MAPK10: variants seen among roughly 807,000 people sequenced by gnomAD.
MAPK10 encodes mitogen-activated protein kinase 10.
MAPK10 carries 25 observed loss-of-function variants against 59.3 expected under a neutral mutation model. That is an observed-to-expected ratio of 0.42 (90% CI 0.31 to 0.59). The LOEUF (loss-of-function observed/expected upper bound fraction) is 0.59, where lower values mean the gene tolerates loss of function less well. Among genes scored for constraint, MAPK10 ranks in the 20% least tolerant of loss-of-function variants. The pLI is 0.15. For synonymous variants in MAPK10, 190 were observed against 200.5 expected (o/e 0.95, Z 0.44); for missense variants, 351 against 568.9 (o/e 0.62, Z 3.90).
intron 2 of MAPK10, among the ~76,000 whole-genome samples, chr4:86,201,506 G>C (rs2082615335): frequency 6.6e-6 from 1 of 151,738 alleles, no homozygotes; most frequent in Admixed American, 6.6e-5. Context: ...CAAGTCTTTT[G>C]CTCAATGGAT....
chr4:86,105,519 A>G (rs900527182), intron 5 of MAPK10, among the ~76,000 whole-genome samples: 28 of 152,126 alleles, frequency 1.8e-4, no homozygotes, highest in Non-Finnish European at 7.4e-5. Flanking sequence ...CTATTGCATT[A>G]CAGGGTCTGG....
chr4:86,354,660 A>G lies in MAPK10; in HGVS notation c.-121-16T>C. On this transcript the variant is annotated splice_polypyrimidine_tract_variant and intron_variant, in intron 1 of 13. Coordinates refer to ENST00000641462, the MANE Select transcript of MAPK10 (RefSeq NM_138982.4). ...TCACACTAGCCTGAAAGCAAAGCCAAAAAACAGATGAGTTTGATTTTAAGA... is the reference window on the plus strand; with the variant it reads ...TCACACTAGCCTGAAAGCAAAGCCAGAAAACAGATGAGTTTGATTTTAAGA... 1.0e-6 allele frequency: 1 copy of G among 991,288 alleles called. No homozygotes were observed. The highest frequency in any genetic ancestry group is 3.6e-4 in the Middle Eastern group (1 of 2,744). The allele number at this position is 991,288 out of a possible 1,614,324, so 61.4% of individuals were successfully genotyped here.
chr4:86,370,136 G>A (rs537854393), intron 1 of MAPK10, among the ~76,000 whole-genome samples: 6 of 152,244 alleles, frequency 3.9e-5, no homozygotes, highest in Non-Finnish European at 8.8e-5. Context: ...TCTGTTGTTT[G>A]ATAATGTTCT....
At chr4:86,151,308 G>C (rs139601046) in intron 4 of MAPK10, among the ~76,000 whole-genome samples, 7 of 152,260 alleles carry the variant, frequency 4.6e-5, no homozygotes, top group African/African-American at 1.7e-4. Context: ...AGTGGAATTG[G>C]GAGCTTTCAT....
intron 2 of MAPK10, among the ~76,000 whole-genome samples, chr4:86,287,677 C>T (rs2095067964): frequency 6.6e-6 from 1 of 152,200 alleles, no homozygotes; most frequent in South Asian, 2.1e-4. Context: ...AGATTACACA[C>T]TACTACATAA....
chr4:86,372,564 G>GAAAGAAAGAAAGAAAGGA lies in MAPK10; in HGVS notation c.-121-17921_-121-17920insTCCTTTCTTTCTTTCTTT. Among the ~76,000 whole-genome samples, 651 of 78,658 alleles carry GAAAGAAAGAAAGAAAGGA rather than the reference G, an allele frequency of 8.3e-3. 13 individuals carry two copies. The highest frequency in any genetic ancestry group is 0.029 in the Admixed American group (212 of 7,288). The allele number at this position is 78,658 out of a possible 152,430, so 51.6% of individuals were successfully genotyped here. A position where few individuals can be genotyped will look rare whatever the true frequency, so the allele number is the denominator to read the frequency against. ...AGAAAGAAAGAAAGAAAGAAAGAAA[G>GAAAGAAAGAAAGAAAGGA]AAAGAAAAGAAAAGAAAAGAAAAGA... On this transcript the variant is annotated intron_variant, in intron 1 of 13. Transcript: ENST00000361569.
chr4:86,543,507 C>T (rs1338407487), intron 1 of MAPK10, among the ~76,000 whole-genome samples: 2 of 152,086 alleles, frequency 1.3e-5, no homozygotes, highest in African/African-American at 4.8e-5. Context: ...AAATGTAAGC[C>T]CTAAACCACT....
At chr4:86,543,121 G>A (rs1476608314) in intron 1 of MAPK10, among the ~76,000 whole-genome samples, 1 of 152,166 alleles carries the variant, frequency 6.6e-6, no homozygotes, top group Non-Finnish European at 1.5e-5. Flanking sequence ...TTAAAGGGAT[G>A]TGGTGCAATA....
intron 3 of MAPK10, 187 bp downstream of exon 3, chr4:86,194,149 C>G: frequency 1.7e-6 from 1 of 579,570 alleles, no homozygotes; most frequent in Middle Eastern, 4.5e-4. Flanking sequence ...TCGTCTTCTG[C>G]GTTGATCTTG....
intron 11 of MAPK10, among the ~76,000 whole-genome samples, chr4:86,049,154 A>G (rs2043058295): frequency 6.6e-6 from 1 of 152,092 alleles, no homozygotes; most frequent in Admixed American, 6.6e-5. Context: ...ATTTATTTCC[A>G]ATTAATTAAC....
chr4:86,316,539 A>G (rs2095792159), intron 2 of MAPK10, among the ~76,000 whole-genome samples: 1 of 152,208 alleles, frequency 6.6e-6, no homozygotes, highest in Non-Finnish European at 1.5e-5. Flanking sequence ...ACATGCACAC[A>G]GAAAAACACT....
rs115235556 is a variant in MAPK10 at position 86,211,653 on chromosome 4, T to C, written c.-6-17246A>G. Among the ~76,000 whole-genome samples, 666 of 152,184 alleles carry C rather than the reference T, an allele frequency of 4.4e-3. 6 individuals carry two copies. The highest frequency in any genetic ancestry group is 0.015 in the African/African-American group (639 of 41,542). ...TAAAAACTCAGTAAAGGAAAATATA[T>C]AGATAATTATAAAAGTTAGTATTAT... On this transcript the variant is annotated intron_variant, in intron 2 of 13. Transcript: ENST00000641462.
intron 1 of MAPK10, among the ~76,000 whole-genome samples, chr4:86,410,894 A>G (rs1267273767): frequency 2.0e-5 from 3 of 152,000 alleles, no homozygotes; most frequent in Non-Finnish European, 1.5e-5. Flanking sequence ...TTGTATCTCC[A>G]TATCCTTCAG....
chr4:86,060,940 C>A (rs923978827), intron 11 of MAPK10, among the ~76,000 whole-genome samples: 33 of 151,928 alleles, frequency 2.2e-4, no homozygotes, highest in African/African-American at 7.7e-4. Context: ...TTTCAAATAT[C>A]AAAAGATAGT....
At chr4:86,541,220 A>G (rs1758670861) in intron 1 of MAPK10, among the ~76,000 whole-genome samples, 1 of 152,194 alleles carries the variant, frequency 6.6e-6, no homozygotes, top group East Asian at 1.9e-4. Context: ...GAGACATAGC[A>G]GAGAATTGGG....
chr4:86,484,584 G>A (rs1050708864), intron 1 of MAPK10, among the ~76,000 whole-genome samples: 1 of 152,096 alleles, frequency 6.6e-6, no homozygotes, highest in Non-Finnish European at 1.5e-5. Flanking sequence ...GATAAATGAG[G>A]TAGTACACAT....
chr4:86,336,295 A>C (rs572374105), intron 2 of MAPK10: 1 of 152,174 alleles, frequency 6.6e-6, no homozygotes, highest in Admixed American at 6.5e-5. Context: ...AACCATTATA[A>C]CTAACTCCAG....
intron 1 of MAPK10, among the ~76,000 whole-genome samples, chr4:86,464,574 C>G (rs1252390648): frequency 1.3e-5 from 2 of 152,158 alleles, no homozygotes; most frequent in African/African-American, 4.8e-5. Flanking sequence ...GTAATCCCAG[C>G]ACTTTCGGAT....
intron 1 of MAPK10, among the ~76,000 whole-genome samples, chr4:86,505,851 C>T (rs1755699163): frequency 2.6e-5 from 4 of 152,044 alleles, no homozygotes; most frequent in South Asian, 4.1e-4. Flanking sequence ...CTACTTATTG[C>T]GTCAATATCT....
Sources: gnomAD v4.1 joint callset for allele counts (sites outside exome capture counted in the v4.1 genomes callset) on GRCh38, gnomAD v4.1.1 for gene constraint, MANE v1.5 for transcripts, NCBI Gene and HGNC (gene_info 2026-07-23, HGNC 2026-07-21) for gene names.